Variants in GRIN2A observed in about 807,000 individuals in gnomAD.
GRIN2A encodes glutamate receptor ionotropic, NMDA 2A.
A neutral mutation model predicts 113.4 loss-of-function variants in GRIN2A; 22 were observed. The ratio of observed to expected loss-of-function variants is 0.19; its 90% CI spans 0.14 to 0.28. The LOEUF (loss-of-function observed/expected upper bound fraction) is 0.28, where lower values mean the gene tolerates loss of function less well. Ranked by LOEUF, GRIN2A falls within the 10% of genes least tolerant of loss-of-function variation. The probability of loss-of-function intolerance (pLI) is 1.00; values close to 1 mark genes in which losing one functional copy is unlikely to be tolerated. For missense variants in GRIN2A, 1,502 were observed against 1,887.0 expected (o/e 0.80, Z 3.78); for synonymous variants, 827 against 738.4 (o/e 1.12, Z -1.94).
intron 3 of GRIN2A, among the ~76,000 whole-genome samples, chr16:9,908,747 C>G (rs147434355): frequency 3.7e-4 from 56 of 152,326 alleles, no homozygotes; most frequent in African/African-American, 1.2e-3. Flanking sequence ...GAGATCCTCA[C>G]GTCAGTACGA....
intron 3 of GRIN2A, among the ~76,000 whole-genome samples, chr16:9,901,984 T>A (rs1434747278): frequency 6.6e-6 from 1 of 152,138 alleles, no homozygotes; most frequent in African/African-American, 2.4e-5. Flanking sequence ...ACTTTCCATA[T>A]GTTACCTGAA....
chr16:10,055,477 G>A (rs1018375908), intron 2 of GRIN2A, among the ~76,000 whole-genome samples: 1 of 152,094 alleles, frequency 6.6e-6, no homozygotes, highest in South Asian at 2.1e-4. Context: ...CACAATAATA[G>A]GATGACTTCT....
rs1596502560 is a variant in GRIN2A at position 9,856,023 on chromosome 16, A to C, written c.1123-6062T>G. Among the ~76,000 whole-genome samples the C allele has an allele frequency of 5.3e-5, 8 of 152,332 alleles. No individual in the cohort carries two copies. The South Asian group carries it at 1.7e-3, about 32-fold the overall frequency. On this transcript the variant is annotated intron_variant, in intron 4 of 12. Transcript: ENST00000330684. ...CTGGGGCACAGTGGGCAATAATGAC[A>C]AAGACCATTGTTAACACTGATTAGG...
intron 2 of GRIN2A, among the ~76,000 whole-genome samples, chr16:10,110,068 C>G (rs997885226): frequency 2.0e-5 from 3 of 147,330 alleles, no homozygotes; most frequent in African/African-American, 7.5e-5. Context: ...CACCCCACAA[C>G]AGTCCCCAGA....
chr16:9,979,785 C>CGATATATATATATATATATATA (rs2045852608), intron 2 of GRIN2A, among the ~76,000 whole-genome samples: 2 of 122,348 alleles, frequency 1.6e-5, no homozygotes, highest in South Asian at 6.3e-4. Flanking sequence ...GACTATGGGA[C>CGATATATATATATATATATATA]TATATATATA....
At chr16:9,780,701 G>C (rs1421275224) in intron 11 of GRIN2A, among the ~76,000 whole-genome samples, 1 of 152,224 alleles carries the variant, frequency 6.6e-6, no homozygotes, top group South Asian at 2.1e-4. Flanking sequence ...GTATGTCATA[G>C]TTTATAGAAG....
chr16:10,063,963 G>T (rs192647811), intron 2 of GRIN2A, among the ~76,000 whole-genome samples: 2 of 152,228 alleles, frequency 1.3e-5, no homozygotes, highest in East Asian at 3.9e-4. Context: ...CCTAATTAGA[G>T]CCCTTCTAGA....
At chr16:9,976,585 G>A (rs2045777181) in intron 2 of GRIN2A, among the ~76,000 whole-genome samples, 1 of 152,212 alleles carries the variant, frequency 6.6e-6, no homozygotes, top group Non-Finnish European at 1.5e-5. Context: ...CTGAGACTCA[G>A]AAGTGCTGGT....
At chr16:9,876,054 C>G (rs1276348571) in intron 4 of GRIN2A, among the ~76,000 whole-genome samples, 4 of 152,138 alleles carry the variant, frequency 2.6e-5, no homozygotes, top group Admixed American at 6.5e-5. Flanking sequence ...TCTAAACCCC[C>G]TCATGGCCTT....
intron 2 of GRIN2A, among the ~76,000 whole-genome samples, chr16:9,982,611 T>C (rs1369259971): frequency 6.6e-6 from 1 of 152,234 alleles, no homozygotes; most frequent in Non-Finnish European, 1.5e-5. Flanking sequence ...ACCAATTAGT[T>C]ATCTTTTAAA....
chr16:10,081,502 C>A (rs1446518521), intron 2 of GRIN2A, among the ~76,000 whole-genome samples: 1 of 152,184 alleles, frequency 6.6e-6, no homozygotes, highest in Non-Finnish European at 1.5e-5. Context: ...AAGATTAATG[C>A]TCTAAATTTT....
intron 4 of GRIN2A, among the ~76,000 whole-genome samples, chr16:9,877,223 T>C (rs1180745806): frequency 6.6e-6 from 1 of 152,178 alleles, no homozygotes; most frequent in Admixed American, 6.5e-5. Context: ...TAAAGTGAAA[T>C]AATAAGTACA....
At chr16:9,884,261 T>C (rs1036990667) in intron 4 of GRIN2A, among the ~76,000 whole-genome samples, 2 of 152,170 alleles carry the variant, frequency 1.3e-5, no homozygotes, top group Non-Finnish European at 2.9e-5. Context: ...TTTAAAGCTA[T>C]TGTAAGGCCA....
chr16:9,754,461 T>C lies in GRIN2A; in HGVS notation c.*8688A>G, dbSNP rs1259464018. The C allele has an allele frequency of 9.5e-6, 2 of 209,920 alleles. No homozygotes were observed. Among genetic ancestry groups the C allele is most frequent in the African/African-American group, 4.5e-5 (2 of 44,060 alleles). 13.0% of individuals were successfully genotyped at this position (209,920 alleles called of 1,614,324 possible). On this transcript the variant is annotated 3_prime_UTR_variant, in exon 13 of 13. Transcript: ENST00000330684. ...TTAGCATCCCTTCCCAGTGAAAAATTTGGGGAACATGAATGTTAAAAGTTC... is the reference window on the plus strand; with the variant it reads ...TTAGCATCCCTTCCCAGTGAAAAATCTGGGGAACATGAATGTTAAAAGTTC...
intron 3 of GRIN2A, 89 bp from the exon 4 acceptor site, chr16:9,891,189 G>T: frequency 1.3e-6 from 1 of 782,660 alleles, no homozygotes; most frequent in South Asian, 1.4e-5. Context: ...ATGGAATACT[G>T]AAAAATTATA....
chr16:10,000,364 T>G (rs1025008628), intron 2 of GRIN2A, among the ~76,000 whole-genome samples: 1 of 152,164 alleles, frequency 6.6e-6, no homozygotes, highest in East Asian at 1.9e-4. Flanking sequence ...AGAAAGTTTT[T>G]TTTTCTCCTC....
chr16:10,150,596 T>C (rs537440986), intron 2 of GRIN2A, among the ~76,000 whole-genome samples: 7 of 152,238 alleles, frequency 4.6e-5, no homozygotes, highest in African/African-American at 1.4e-4. Context: ...CTTCTTACTA[T>C]TCCCCAGACA....
Position 10,136,092 on chromosome 16 carries a change from A to C in GRIN2A, c.414+43906T>G, listed in dbSNP as rs191878392. Among the ~76,000 whole-genome samples, 7 of 152,156 alleles carry C rather than the reference A, an allele frequency of 4.6e-5. No homozygotes were observed. In the East Asian group the frequency reaches 1.4e-3, roughly 29 times the overall value. Reference sequence around the variant, plus strand: ...TAAAAGCAGATGTGCTTATCCTTTCAATCACTCTACTTTTCATCACTCTCC... The same window carrying C: ...TAAAAGCAGATGTGCTTATCCTTTCCATCACTCTACTTTTCATCACTCTCC... On this transcript the variant is annotated intron_variant, in intron 2 of 12. Coordinates refer to ENST00000330684, the MANE Select transcript of GRIN2A (RefSeq NM_001134407.3).
chr16:9,770,029 A>AC (rs750050279), intron 11 of GRIN2A, among the ~76,000 whole-genome samples: 5 of 152,156 alleles, frequency 3.3e-5, no homozygotes, highest in Non-Finnish European at 7.4e-5. Flanking sequence ...GTTTTTTCCA[A>AC]TGGGGGGAAG....
Sources: allele counts gnomAD v4.1 joint callset (sites outside exome capture counted in the v4.1 genomes callset), GRCh38; gene constraint gnomAD v4.1.1; transcripts MANE v1.5; gene names NCBI Gene and HGNC (gene_info 2026-07-23, HGNC 2026-07-21).